COL11A1: variants seen among roughly 807,000 people sequenced by gnomAD.
COL11A1 encodes the protein collagen alpha-1(XI) chain.
In COL11A1, 74 loss-of-function variants were observed where a neutral mutation model predicts 265.2. That is an observed-to-expected ratio of 0.28 (90% CI 0.23 to 0.34). COL11A1 has a LOEUF of 0.34. Among genes scored for constraint, COL11A1 ranks in the 10% least tolerant of loss-of-function variants. COL11A1 has a pLI of 1.00. For synonymous variants in COL11A1, 816 were observed against 727.6 expected (o/e 1.12, Z -1.96); for missense variants, 2,165 against 2,263.6 (o/e 0.96, Z 0.88).
At position 102,878,036 on chromosome 1, in the gene COL11A1, C is replaced by G; in HGVS notation, c.5404G>C (p.Val1802Leu). ...TCTTAATCTTAGCCAAGAAAACAAACAGGACCAACTTCAAATCCGAACTTC... is the reference window on the plus strand; with the variant it reads ...TCTTAATCTTAGCCAAGAAAACAAAGAGGACCAACTTCAAATCCGAACTTC... ...NQKFGFEVGP[V>L]CFLG Residue 1802 changes from valine (V) to leucine (L), a missense_variant, in exon 67 of 67, where the codon GTT becomes CTT. Transcript: ENST00000370096. 1.2e-6 allele frequency: 2 copies of G among 1,613,528 alleles called. No homozygotes were observed. Among genetic ancestry groups the G allele is most frequent in the Non-Finnish European group, 1.7e-6 (2 of 1,179,660 alleles).
chr1:102,906,725 T>C (rs2100983833), intron 54 of COL11A1, among the ~76,000 whole-genome samples: 1 of 152,176 alleles, frequency 6.6e-6, no homozygotes, highest in East Asian at 1.9e-4. Context: ...TTTTTCTTTT[T>C]CTTTTTCTTT....
chr1:102,977,098 A>C (rs1662567528), intron 35 of COL11A1, among the ~76,000 whole-genome samples: 1 of 152,278 alleles, frequency 6.6e-6, no homozygotes, highest in East Asian at 1.9e-4. Context: ...TTCATTTTCT[A>C]ATCCAATGGT....
intron 28 of COL11A1, among the ~76,000 whole-genome samples, chr1:102,994,271 A>G (rs142814221): frequency 1.3e-5 from 2 of 152,096 alleles, no homozygotes; most frequent in East Asian, 1.9e-4. Flanking sequence ...GTAATCCCCA[A>G]TGTTGAAAGT....
intron 54 of COL11A1, among the ~76,000 whole-genome samples, chr1:102,901,950 A>G (rs967844115): frequency 1.3e-5 from 2 of 152,230 alleles, no homozygotes; most frequent in South Asian, 4.1e-4. Context: ...ACACAGATAC[A>G]AAAATTAACA....
intron 46 of COL11A1, among the ~76,000 whole-genome samples, chr1:102,926,264 T>C (rs866232557): frequency 4.6e-5 from 7 of 152,246 alleles, no homozygotes; most frequent in Middle Eastern, 6.8e-3. Context: ...AGGTAATTTA[T>C]GCGTGGAGAG....
chr1:102,938,861 A>G (rs909452060), intron 44 of COL11A1, among the ~76,000 whole-genome samples, 174 bp downstream of exon 44: 1 of 152,194 alleles, frequency 6.6e-6, no homozygotes, highest in Non-Finnish European at 1.5e-5. Flanking sequence ...TCACAGAAAT[A>G]GAAAACTTCA....
intron 4 of COL11A1, among the ~76,000 whole-genome samples, chr1:103,050,601 C>T (rs1299665263): frequency 2.0e-5 from 3 of 152,188 alleles, no homozygotes; most frequent in African/African-American, 4.8e-5. Flanking sequence ...TCTCTCAACT[C>T]GTCAAAGTCA....
At chr1:103,074,480 C>G (rs1348125155) in intron 4 of COL11A1, 138 bp downstream of exon 4, 2 of 892,656 alleles carry the variant, frequency 2.2e-6, no homozygotes, top group Non-Finnish European at 3.4e-6. Flanking sequence ...ACTATACTCA[C>G]AGAGGAAGAA....
rs954307629 is a variant in COL11A1 at position 102,996,961 on chromosome 1, C to A, written c.2241+119G>T. 6 of 848,752 alleles carry A rather than the reference C, an allele frequency of 7.1e-6. No homozygotes were observed. In the African/African-American group the frequency reaches 1.0e-4, roughly 14 times the overall value. 52.6% of individuals were successfully genotyped at this position (848,752 alleles called of 1,614,324 possible). A position where few individuals can be genotyped will look rare whatever the true frequency, so the allele number is the denominator to read the frequency against. ...TAAAATTAAAAGTAGTCTAAGATAT[C>A]TTTTTTATACCCAAAATAACTATAT... On this transcript the variant is annotated intron_variant, in intron 26 of 66. Transcript: ENST00000370096.
chr1:102,927,513 GAGACCATCC>G (rs994549445), intron 46 of COL11A1, among the ~76,000 whole-genome samples: 12 of 152,068 alleles, frequency 7.9e-5, no homozygotes, highest in African/African-American at 2.7e-4. Flanking sequence ...TCAGGAGATC[GAGACCATCC>G]TGGCTAACAC....
intron 4 of COL11A1, among the ~76,000 whole-genome samples, chr1:103,036,652 C>T (rs377579210): frequency 2.0e-4 from 30 of 151,830 alleles, no homozygotes; most frequent in African/African-American, 6.5e-4. Flanking sequence ...TTATGTTAAT[C>T]GTATGACATG....
At chr1:102,961,978 G>A (rs1031466746) in intron 40 of COL11A1, 59 bp from the exon 41 acceptor site, 4 of 1,454,316 alleles carry the variant, frequency 2.8e-6, no homozygotes, top group African/African-American at 2.8e-5. Context: ...ACCAATAGGA[G>A]GAGATATCTG....
In COL11A1 at chr1:103,025,507, T is replaced by A. The variant is rs539558328; in HGVS notation, c.990+14A>T. 5.8e-6 allele frequency: 9 copies of A among 1,546,408 alleles called. No homozygotes were observed. In the South Asian group the frequency reaches 1.0e-4, roughly 17 times the overall value. On this transcript the variant is annotated intron_variant, in intron 7 of 66. Transcript: ENST00000370096. ...AAAGTGGGACTGTGATTTAATACTG[T>A]CTATACGTATTACCTCATTTGTCCC...
intron 26 of COL11A1, 46 bp from the exon 27 acceptor site, chr1:102,996,088 G>A: frequency 6.3e-7 from 1 of 1,575,686 alleles, no homozygotes; most frequent in Non-Finnish European, 8.7e-7. Context: ...AATTGAAAGT[G>A]CTACTCATTT....
At chr1:103,011,416 C>T (rs1666119075) in intron 14 of COL11A1, among the ~76,000 whole-genome samples, 1 of 151,410 alleles carries the variant, frequency 6.6e-6, no homozygotes, top group Non-Finnish European at 1.5e-5. Context: ...ATATGTGTTC[C>T]CCGTGAGCTT....
At chr1:103,055,049 G>A (rs186045619) in intron 4 of COL11A1, among the ~76,000 whole-genome samples, 34 of 152,296 alleles carry the variant, frequency 2.2e-4, no homozygotes, top group African/African-American at 6.5e-4. Context: ...AGATGAGGAA[G>A]GAAACAGGGA....
At chr1:103,097,280 C>G (rs1377181832) in intron 1 of COL11A1, among the ~76,000 whole-genome samples, 1 of 151,902 alleles carries the variant, frequency 6.6e-6, no homozygotes, top group African/African-American at 2.4e-5. Flanking sequence ...GCCTTCTTCC[C>G]CAGCACCATC....
At chr1:102,924,569 T>C (rs922244884) in intron 46 of COL11A1, among the ~76,000 whole-genome samples, 2 of 152,172 alleles carry the variant, frequency 1.3e-5, no homozygotes, top group Non-Finnish European at 2.9e-5. Context: ...GTGTTAACTG[T>C]TTAGGAACTA....
Position 103,012,460 on chromosome 1 carries a change from T to A in COL11A1, c.1582A>T (p.Arg528Ter). The A allele has an allele frequency of 6.2e-7, 1 of 1,612,888 alleles. No homozygotes were observed. The highest frequency in any genetic ancestry group is 8.5e-7 in the Non-Finnish European group (1 of 1,178,994). ...AGACCCATTGGGCCAGGTGGGCCTC[T>A]CAGAGCAATCTAGAAAACAAAATAT... ...AILQQARIAL[R>*]GPPGPMGLTG... is the part of the protein sequence containing the mutation. The change falls in exon 14 of 67, where the codon AGA becomes TGA. Residue 528 changes from arginine (R) to a stop codon, truncating the protein, a stop_gained. Transcript: ENST00000370096. LOFTEE classifies it high-confidence loss of function.
Sources: gnomAD v4.1 joint callset for allele counts (sites outside exome capture counted in the v4.1 genomes callset) on GRCh38, gnomAD v4.1.1 for gene constraint, MANE v1.5 for transcripts, NCBI Gene and HGNC (gene_info 2026-07-23, HGNC 2026-07-21) for gene names.